Variants in GRM7 observed in about 807,000 individuals in gnomAD.
The protein encoded by GRM7 is glutamate metabotropic receptor 7.
Under a neutral mutation model 84.5 loss-of-function variants are expected in GRM7, and 35 were observed. The ratio of observed to expected loss-of-function variants is 0.41; its 90% CI spans 0.32 to 0.55. GRM7 has a LOEUF of 0.55. Among genes scored for constraint, GRM7 ranks in the 20% least tolerant of loss-of-function variants. The pLI, the probability that GRM7 is intolerant of heterozygous loss-of-function variation, is 0.19. For missense variants in GRM7, 1,003 were observed against 1,194.6 expected (o/e 0.84, Z 2.36); for synonymous variants, 487 against 455.1 (o/e 1.07, Z -0.89).
chr3:7,376,441 C>G (rs1409928865), intron 4 of GRM7, among the ~76,000 whole-genome samples: 1 of 152,162 alleles, frequency 6.6e-6, no homozygotes, highest in Non-Finnish European at 1.5e-5. Context: ...AGGTGAGGAA[C>G]AAGCTAGGAG....
intron 4 of GRM7, among the ~76,000 whole-genome samples, chr3:7,331,281 C>T (rs942813662): frequency 1.3e-5 from 2 of 152,112 alleles, no homozygotes; most frequent in African/African-American, 2.4e-5. Flanking sequence ...GTAGAGTGAG[C>T]GTGTCTGAAA....
At chr3:7,271,496 T>C (rs1187926227) in intron 2 of GRM7, among the ~76,000 whole-genome samples, 1 of 148,780 alleles carries the variant, frequency 6.7e-6, no homozygotes, top group African/African-American at 2.5e-5. Context: ...GAGGCGGAGC[T>C]TGCAGTGAGC....
intron 2 of GRM7, among the ~76,000 whole-genome samples, chr3:7,273,804 TG>T (rs912302107): frequency 3.9e-5 from 6 of 151,988 alleles, no homozygotes; most frequent in Non-Finnish European, 2.9e-5. Context: ...ATCTTGTTTT[TG>T]ATCCATTCTG....
intron 2 of GRM7, among the ~76,000 whole-genome samples, chr3:7,201,343 TATC>T (rs1696064095): frequency 6.6e-6 from 1 of 152,190 alleles, no homozygotes; most frequent in African/African-American, 2.4e-5. Flanking sequence ...TATTTTCAAA[TATC>T]ATATAACATG....
intron 7 of GRM7, among the ~76,000 whole-genome samples, chr3:7,575,099 A>C (rs955537390): frequency 1.3e-5 from 2 of 152,170 alleles, no homozygotes; most frequent in Admixed American, 1.3e-4. Context: ...TGATCCATTT[A>C]TCTATGCAGT....
chr3:7,649,603 C>T (rs930629743), intron 8 of GRM7, among the ~76,000 whole-genome samples: 1 of 152,086 alleles, frequency 6.6e-6, no homozygotes, highest in Non-Finnish European at 1.5e-5. Flanking sequence ...GTCACACATA[C>T]CCCCTTGCTA....
intron 1 of GRM7, among the ~76,000 whole-genome samples, chr3:7,011,500 G>A (rs1695366914): frequency 6.6e-6 from 1 of 152,122 alleles, no homozygotes; most frequent in African/African-American, 2.4e-5. Flanking sequence ...AGGTGATTGT[G>A]GTGGCCATTT....
At chr3:7,385,922 G>T (rs1050810737) in intron 4 of GRM7, among the ~76,000 whole-genome samples, 24 of 152,214 alleles carry the variant, frequency 1.6e-4, no homozygotes, top group Non-Finnish European at 7.3e-5. Context: ...TGCATTCATA[G>T]GAATGATGCT....
intron 1 of GRM7, among the ~76,000 whole-genome samples, chr3:6,945,457 T>G (rs911447246): frequency 6.6e-5 from 10 of 152,182 alleles, no homozygotes; most frequent in Non-Finnish European, 1.3e-4. Context: ...TAATCCAGTC[T>G]ATCATTGTTG....
At chr3:7,101,594 A>G (rs1499168) in intron 1 of GRM7, among the ~76,000 whole-genome samples, 1 of 151,062 alleles carries the variant, frequency 6.6e-6, no homozygotes, top group Non-Finnish European at 1.5e-5. Context: ...TTTTCTTATT[A>G]GTATATTTAT....
chr3:7,206,710 T>C (rs1696252740), intron 2 of GRM7, among the ~76,000 whole-genome samples: 1 of 152,152 alleles, frequency 6.6e-6, no homozygotes, highest in South Asian at 2.1e-4. Context: ...TGAGAAAAGT[T>C]AGAGGTGTTG....
chr3:7,593,436 T>G (rs1249405291), intron 8 of GRM7, among the ~76,000 whole-genome samples: 3 of 152,178 alleles, frequency 2.0e-5, no homozygotes, highest in Non-Finnish European at 4.4e-5. Context: ...GAAATCACAT[T>G]CTATTGAAAA....
intron 4 of GRM7, among the ~76,000 whole-genome samples, chr3:7,362,300 G>A (rs1243781301): frequency 1.3e-5 from 2 of 151,748 alleles, no homozygotes; most frequent in Non-Finnish European, 2.9e-5. Flanking sequence ...ACACAGCATA[G>A]CAGATTTCCA....
At chr3:7,202,924 A>G (rs544875806) in intron 2 of GRM7, among the ~76,000 whole-genome samples, 1 of 152,262 alleles carries the variant, frequency 6.6e-6, no homozygotes, top group Non-Finnish European at 1.5e-5. Context: ...TTCAAAATGT[A>G]TTCTTTCATT....
chr3:7,226,965 T>C (rs1697003877), intron 2 of GRM7, among the ~76,000 whole-genome samples: 1 of 152,182 alleles, frequency 6.6e-6, no homozygotes, highest in South Asian at 2.1e-4. Flanking sequence ...CATTAAGCAT[T>C]TTCAAAGGGC....
chr3:7,369,630 A>G (rs1442983406), intron 4 of GRM7, among the ~76,000 whole-genome samples: 1 of 152,110 alleles, frequency 6.6e-6, no homozygotes, highest in Non-Finnish European at 1.5e-5. Flanking sequence ...GAGTTTTCAT[A>G]ATTTTTTCTT....
At chr3:7,128,160 G>A (rs1693464309) in intron 1 of GRM7, among the ~76,000 whole-genome samples, 1 of 151,670 alleles carries the variant, frequency 6.6e-6, no homozygotes, top group South Asian at 2.1e-4. Context: ...TGGATATAAA[G>A]TATTGATCTT....
chr3:7,261,957 T>G (rs907946850), intron 2 of GRM7, among the ~76,000 whole-genome samples: 5 of 139,174 alleles, frequency 3.6e-5, no homozygotes, highest in Non-Finnish European at 6.1e-5. Context: ...TTTCTTTGTT[T>G]TCTTTCTTCT....
intron 4 of GRM7, among the ~76,000 whole-genome samples, chr3:7,321,678 A>G (rs1239633049): frequency 6.6e-6 from 1 of 151,750 alleles, no homozygotes; most frequent in Non-Finnish European, 1.5e-5. Context: ...TGATATTTGG[A>G]GCACTAATTT....
Sources: gnomAD v4.1 joint callset for allele counts (sites outside exome capture counted in the v4.1 genomes callset) on GRCh38, gnomAD v4.1.1 for gene constraint, MANE v1.5 for transcripts, NCBI Gene and HGNC (gene_info 2026-07-23, HGNC 2026-07-21) for gene names.